Variants in GPBP1 observed in about 807,000 individuals in gnomAD.
GPBP1 encodes vasculin.
Under a neutral mutation model 56.5 loss-of-function variants are expected in GPBP1, and 13 were observed. The ratio of observed to expected loss-of-function variants is 0.23; its 90% CI spans 0.15 to 0.37. The LOEUF (loss-of-function observed/expected upper bound fraction) is 0.37. GPBP1 is among the 10% of genes least tolerant of loss of function. The pLI, the probability that GPBP1 is intolerant of heterozygous loss-of-function variation, is 1.00. For synonymous variants in GPBP1, 204 were observed against 188.9 expected (o/e 1.08, Z -0.66); for missense variants, 477 against 572.3 (o/e 0.83, Z 1.70).
At chr5:57,174,267 T>C (rs1373980656) in intron 1 of GPBP1, 56 bp downstream of exon 1, 3 of 152,352 alleles carry the variant, frequency 2.0e-5, no homozygotes, top group Admixed American at 6.6e-5. Context: ...GGAGTGCCCG[T>C]GTCCGTGTTG....
chr5:57,263,755 C>T lies in GPBP1; in HGVS notation c.*1003C>T, dbSNP rs1401215941. 1 of 152,136 alleles carries T rather than the reference C, an allele frequency of 6.6e-6. No individual in the cohort carries two copies. The highest frequency in any genetic ancestry group is 2.4e-5 in the African/African-American group (1 of 41,436). The allele number at this position is 152,136 out of a possible 1,614,324, so 9.4% of individuals were successfully genotyped here. On this transcript the variant is annotated 3_prime_UTR_variant, in exon 12 of 12. Coordinates refer to ENST00000506184, the MANE Select transcript of GPBP1 (RefSeq NM_022913.4). ...AGCTAAGCGTTTTCATTATCAAATA[C>T]ACAAGCTTATTAAATGAATGACTGT...
chr5:57,215,928 T>C (rs1279732161), intron 3 of GPBP1, among the ~76,000 whole-genome samples: 1 of 151,820 alleles, frequency 6.6e-6, no homozygotes, highest in Non-Finnish European at 1.5e-5. Flanking sequence ...GAGAGGGCTG[T>C]TAGTGTTTGA....
intron 6 of GPBP1, among the ~76,000 whole-genome samples, chr5:57,244,856 C>T (rs549501069): frequency 6.6e-6 from 1 of 151,166 alleles, no homozygotes; most frequent in South Asian, 2.1e-4. Flanking sequence ...GCCTCAGCCT[C>T]CCGAGTAGCT....
chr5:57,194,247 CAAATTCCTGTAAGT>C (rs1351280520), intron 2 of GPBP1, among the ~76,000 whole-genome samples: 1 of 152,114 alleles, frequency 6.6e-6, no homozygotes, highest in African/African-American at 2.4e-5. Context: ...AAATATAAGG[CAAATTCCTGTAAGT>C]GAATTTCTGA....
At chr5:57,182,500 G>C (rs1182113371) in intron 2 of GPBP1, among the ~76,000 whole-genome samples, 2 of 151,696 alleles carry the variant, frequency 1.3e-5, no homozygotes, top group Admixed American at 6.6e-5. Context: ...AGCCTCCCGA[G>C]TAGCTGGGAT....
intron 2 of GPBP1, among the ~76,000 whole-genome samples, chr5:57,207,375 C>T (rs1431699904): frequency 6.6e-6 from 1 of 152,100 alleles, no homozygotes; most frequent in Non-Finnish European, 1.5e-5. Context: ...CTCTTATCCC[C>T]TTTGCAGGGC....
intron 2 of GPBP1, among the ~76,000 whole-genome samples, chr5:57,183,137 G>A (rs561486091): frequency 1.3e-5 from 2 of 151,996 alleles, no homozygotes; most frequent in African/African-American, 4.8e-5. Context: ...AGGCTGAAGC[G>A]GGTGGATCAC....
chr5:57,214,311 C>T (rs543249353), intron 3 of GPBP1, 118 bp downstream of exon 3: 37 of 877,270 alleles, frequency 4.2e-5, no homozygotes, highest in African/African-American at 4.1e-4. Flanking sequence ...TGTGGCTGGG[C>T]GCGGTGGCTC....
intron 2 of GPBP1, among the ~76,000 whole-genome samples, chr5:57,186,821 T>C (rs533780676): frequency 6.6e-6 from 1 of 152,210 alleles, no homozygotes; most frequent in Non-Finnish European, 1.5e-5. Flanking sequence ...TCCTCCTGCG[T>C]TGGCCTCCCA....
intron 3 of GPBP1, among the ~76,000 whole-genome samples, chr5:57,222,020 CT>C (rs915815419): frequency 6.6e-6 from 1 of 151,302 alleles, no homozygotes; most frequent in Non-Finnish European, 1.5e-5. Flanking sequence ...TTTTTTTCAA[CT>C]TTAGTTTTGT....
chr5:57,237,937 C>G (rs561682405), intron 6 of GPBP1, among the ~76,000 whole-genome samples: 7 of 151,942 alleles, frequency 4.6e-5, no homozygotes, highest in African/African-American at 1.4e-4. Flanking sequence ...GAGAAATACC[C>G]TGCGGGGAAT....
intron 2 of GPBP1, among the ~76,000 whole-genome samples, chr5:57,182,406 TCTGTC>T (rs1258089019): frequency 1.4e-5 from 2 of 147,010 alleles, no homozygotes; most frequent in African/African-American, 5.1e-5. Flanking sequence ...GGAGTCTCAC[TCTGTC>T]GCCCAGGCTG....
intron 2 of GPBP1, among the ~76,000 whole-genome samples, chr5:57,195,246 C>T (rs1381444773): frequency 6.6e-6 from 1 of 152,092 alleles, no homozygotes; most frequent in Non-Finnish European, 1.5e-5. Context: ...GCTTTGATCT[C>T]CCGGGCTCAA....
At chr5:57,260,641 C>T (rs574897043) in intron 10 of GPBP1, among the ~76,000 whole-genome samples, 46 of 152,130 alleles carry the variant, frequency 3.0e-4, no homozygotes, top group African/African-American at 1.0e-3. Context: ...TTTTTATGAA[C>T]TTTTTGAAGA....
intron 10 of GPBP1, among the ~76,000 whole-genome samples, chr5:57,252,882 G>T (rs1184979926): frequency 6.6e-6 from 1 of 151,644 alleles, no homozygotes; most frequent in African/African-American, 2.4e-5. Context: ...GCTAATTTTT[G>T]TCTTTTAGTA....
intron 9 of GPBP1, among the ~76,000 whole-genome samples, chr5:57,250,457 TACTTAGGGTAAGAA>T (rs1242875173): frequency 6.6e-6 from 1 of 152,168 alleles, no homozygotes; most frequent in African/African-American, 2.4e-5. Context: ...TAGATATGAA[TACTTAGGGTAAGAA>T]AGCTTTGGAT....
At chr5:57,200,021 C>CTTTT (rs61426559) in intron 2 of GPBP1, among the ~76,000 whole-genome samples, 6 of 58,884 alleles carry the variant, frequency 1.0e-4, no homozygotes, top group East Asian at 5.1e-4. Context: ...ACTTGAAAAT[C>CTTTT]TTTTTTTTTT....
At position 57,262,597 on chromosome 5, in the gene GPBP1, C is replaced by A; in HGVS notation, c.1267C>A (p.Gln423Lys). 1 of 1,607,778 alleles carries A rather than the reference C, an allele frequency of 6.2e-7. No individual in the cohort carries two copies. Among genetic ancestry groups the A allele is most frequent in the Non-Finnish European group, 8.5e-7 (1 of 1,174,946 alleles). Reference protein sequence around the residue: ...REFQVISEQLQKNGLRKNGIL... With the variant: ...REFQVISEQLKKNGLRKNGIL... ...TATTTTGCTGTTAACATTTTAGTTA[C>A]AGAAGAATGGTCTGAGAAAAAATGG... The change falls in exon 12 of 12, where the codon CAG becomes AAG. Residue 423 changes from glutamine (Q) to lysine (K), a missense_variant. Gln to Lys is a moderately conservative substitution (Grantham distance 53). Around this residue, in one of 2 missense-constraint regions of GPBP1, gnomAD observed 63 missense variants for 114.0 expected, o/e 0.55. Coordinates refer to ENST00000506184, the MANE Select transcript of GPBP1 (RefSeq NM_022913.4).
intron 3 of GPBP1, among the ~76,000 whole-genome samples, chr5:57,221,157 T>C (rs958559275): frequency 3.9e-5 from 6 of 152,210 alleles, no homozygotes; most frequent in Non-Finnish European, 8.8e-5. Flanking sequence ...TTAAACTGCA[T>C]GTGGCTGAGT....
Sources: allele counts gnomAD v4.1 joint callset (sites outside exome capture counted in the v4.1 genomes callset), GRCh38; gene constraint gnomAD v4.1.1; regional missense constraint gnomAD v4.1.1; transcripts MANE v1.5; gene names NCBI Gene and HGNC (gene_info 2026-07-23, HGNC 2026-07-21).